Variants in PLXDC2 observed in about 807,000 individuals in gnomAD.
PLXDC2 encodes plexin domain-containing protein 2.
PLXDC2 carries 40 observed loss-of-function variants against 68.9 expected under a neutral mutation model. The ratio of observed to expected loss-of-function variants is 0.58; its 90% CI spans 0.45 to 0.76. The LOEUF is 0.76. Among genes scored for constraint, PLXDC2 ranks in the 30% least tolerant of loss-of-function variants. The pLI, the probability that PLXDC2 is intolerant of heterozygous loss-of-function variation, is 0.00. For synonymous variants in PLXDC2, 243 were observed against 234.2 expected (o/e 1.04, Z -0.34); for missense variants, 644 against 661.9 (o/e 0.97, Z 0.30).
chr10:20,138,152 A>G (rs1397763475), intron 4 of PLXDC2, among the ~76,000 whole-genome samples: 1 of 152,200 alleles, frequency 6.6e-6, no homozygotes, highest in Non-Finnish European at 1.5e-5. Context: ...GAGGTTTTGT[A>G]TCCAGAAATA....
intron 3 of PLXDC2, among the ~76,000 whole-genome samples, chr10:20,062,473 A>G (rs1836124336): frequency 1.3e-5 from 2 of 152,248 alleles, no homozygotes; most frequent in South Asian, 4.1e-4. Context: ...AAAAGGTTAA[A>G]TAATGTATGA....
At chr10:20,068,330 T>A in intron 4 of PLXDC2, 91 bp downstream of exon 4, 1 of 1,085,668 alleles carries the variant, frequency 9.2e-7, no homozygotes, top group South Asian at 1.6e-5. Flanking sequence ...AGATGGATAT[T>A]TATTGAGAAA....
chr10:19,978,702 A>G (rs1359116856), intron 1 of PLXDC2, among the ~76,000 whole-genome samples: 1 of 152,196 alleles, frequency 6.6e-6, no homozygotes, highest in Non-Finnish European at 1.5e-5. Context: ...TTTGAATTGG[A>G]TTTTAAATAG....
At chr10:19,908,022 A>C (rs1299508722) in intron 1 of PLXDC2, among the ~76,000 whole-genome samples, 1 of 152,218 alleles carries the variant, frequency 6.6e-6, no homozygotes. Flanking sequence ...GTAATTTCTG[A>C]CTATAAAAGC....
chr10:20,152,343 A>G (rs565610866), intron 6 of PLXDC2, among the ~76,000 whole-genome samples: 1 of 152,220 alleles, frequency 6.6e-6, no homozygotes, highest in South Asian at 2.1e-4. Context: ...CTAGAATCAT[A>G]TTGGAGAGAA....
chr10:20,258,605 C>G (rs145928587), intron 13 of PLXDC2, among the ~76,000 whole-genome samples: 1 of 152,198 alleles, frequency 6.6e-6, no homozygotes, highest in Non-Finnish European at 1.5e-5. Context: ...CACTCGTTCT[C>G]TTCACTATAG....
chr10:19,960,102 C>T (rs973878114), intron 1 of PLXDC2, among the ~76,000 whole-genome samples: 1 of 148,218 alleles, frequency 6.7e-6, no homozygotes, highest in Non-Finnish European at 1.5e-5. Context: ...TCATGCCTGA[C>T]ATCTCAGTGC....
At chr10:19,931,085 C>T (rs1328541376) in intron 1 of PLXDC2, among the ~76,000 whole-genome samples, 1 of 152,222 alleles carries the variant, frequency 6.6e-6, no homozygotes, top group Non-Finnish European at 1.5e-5. Flanking sequence ...TTGTCTTCTG[C>T]AACCCGCAAA....
chr10:20,063,433 G>A (rs564114264), intron 3 of PLXDC2, among the ~76,000 whole-genome samples: 113 of 152,226 alleles, frequency 7.4e-4, no homozygotes, highest in Non-Finnish European at 1.3e-3. Flanking sequence ...GACTGTAAAT[G>A]TGCCCACTCC....
In PLXDC2 at chr10:20,174,543, G is replaced by C. The variant is rs368680553; in HGVS notation, c.884-2456G>C. On this transcript the variant is annotated intron_variant, in intron 7 of 13. Coordinates refer to ENST00000377252, the MANE Select transcript of PLXDC2 (RefSeq NM_032812.9). ...TCCTAGCCCCAAAAGGGTTTGCTTC[G>C]ACCCTTTCTCCACCCCTTCTGCAGT... Among the ~76,000 whole-genome samples, 30 of 152,050 alleles carry C rather than the reference G, an allele frequency of 2.0e-4. No individual in the cohort carries two copies. In the South Asian group the frequency reaches 5.6e-3, roughly 28 times the overall value.
chr10:20,103,962 A>G (rs1477206937), intron 4 of PLXDC2, among the ~76,000 whole-genome samples: 3 of 152,162 alleles, frequency 2.0e-5, no homozygotes. Flanking sequence ...TTTATAAGAT[A>G]TAATTGAAGG....
At chr10:20,078,275 C>T (rs1286845083) in intron 4 of PLXDC2, among the ~76,000 whole-genome samples, 2 of 152,024 alleles carry the variant, frequency 1.3e-5, no homozygotes, top group African/African-American at 2.4e-5. Context: ...CCCAGCTTCT[C>T]AGGAGGCTGA....
chr10:20,131,602 A>G (rs1386813955), intron 4 of PLXDC2, among the ~76,000 whole-genome samples: 8 of 151,870 alleles, frequency 5.3e-5, no homozygotes. Flanking sequence ...GTTTCATCAT[A>G]TTGGTCAGGC....
At chr10:20,130,484 A>G (rs1564326713) in intron 4 of PLXDC2, among the ~76,000 whole-genome samples, 1 of 151,810 alleles carries the variant, frequency 6.6e-6, no homozygotes, top group Non-Finnish European at 1.5e-5. Context: ...TTTGTCTTTT[A>G]TTTCTTTTTT....
At chr10:19,987,480 A>G (rs1369708584) in intron 1 of PLXDC2, among the ~76,000 whole-genome samples, 2 of 152,098 alleles carry the variant, frequency 1.3e-5, no homozygotes, top group Non-Finnish European at 2.9e-5. Flanking sequence ...ATGGATTGAA[A>G]TTTAAATATT....
intron 12 of PLXDC2, among the ~76,000 whole-genome samples, chr10:20,230,129 A>G (rs1211597852): frequency 6.6e-6 from 1 of 152,242 alleles, no homozygotes; most frequent in African/African-American, 2.4e-5. Flanking sequence ...TAAAATAAAC[A>G]CTTTCATTAA....
rs568187809 is a variant in PLXDC2 at position 19,905,606 on chromosome 10, CT to C, written c.112+88420del. On this transcript the variant is annotated intron_variant, in intron 1 of 13. Transcript: ENST00000377252. ...ACATTGAGGGTCCCTATACTGAGTG[CT>C]TTTTGGATTTGCTTTTCTAATTCAA... 2.6e-5 allele frequency among the ~76,000 whole-genome samples: 4 copies of C among 152,168 alleles called. No individual in the cohort carries two copies. The South Asian group carries it at 8.3e-4, about 32-fold the overall frequency.
intron 1 of PLXDC2, among the ~76,000 whole-genome samples, chr10:19,887,584 A>G (rs1048635870): frequency 6.6e-6 from 1 of 152,170 alleles, no homozygotes; most frequent in Non-Finnish European, 1.5e-5. Context: ...AATAATTTAT[A>G]TGAGTGAAAT....
chr10:20,099,755 G>A (rs1833397841), intron 4 of PLXDC2, among the ~76,000 whole-genome samples: 1 of 152,038 alleles, frequency 6.6e-6, no homozygotes, highest in Non-Finnish European at 1.5e-5. Context: ...GTTGGCTGAG[G>A]GAGTGATTAT....
Sources: allele counts gnomAD v4.1 joint callset (sites outside exome capture counted in the v4.1 genomes callset), GRCh38; gene constraint gnomAD v4.1.1; transcripts MANE v1.5; gene names NCBI Gene and HGNC (gene_info 2026-07-23, HGNC 2026-07-21).